Variants in KCND2 observed in about 807,000 individuals in gnomAD.
KCND2 encodes A-type voltage-gated potassium channel KCND2.
Under a neutral mutation model 54.4 loss-of-function variants are expected in KCND2, and 16 were observed. The ratio of observed to expected loss-of-function variants is 0.29; its 90% CI spans 0.20 to 0.45. The LOEUF (loss-of-function observed/expected upper bound fraction) is 0.45, where lower values mean the gene tolerates loss of function less well. Ranked by LOEUF, KCND2 falls within the 20% of genes least tolerant of loss-of-function variation. KCND2 has a pLI of 1.00. For synonymous variants in KCND2, 317 were observed against 310.7 expected, an observed-to-expected ratio of 1.02 and a Z score of -0.21; for missense variants, 486 against 824.2, an observed-to-expected ratio of 0.59 and a Z score of 5.02.
intron 1 of KCND2, among the ~76,000 whole-genome samples, chr7:120,540,896 G>A (rs759947107): frequency 2.6e-5 from 4 of 152,262 alleles, no homozygotes; most frequent in South Asian, 4.1e-4. Context: ...TTTTGTAAGA[G>A]TGTAATGTTA....
intron 1 of KCND2, among the ~76,000 whole-genome samples, chr7:120,355,700 C>T (rs1348753961): frequency 6.6e-6 from 1 of 152,104 alleles, no homozygotes; most frequent in Non-Finnish European, 1.5e-5. Flanking sequence ...ACGCTTTCCC[C>T]TGAATATCTG....
In KCND2 at chr7:120,736,660, CA is replaced by C. The variant is rs1792875055; in HGVS notation, c.1278+3597del. ...TATAATTTAATAATACTAATTGCAA[CA>C]ACAAAAACCCTCACTAGTTTCTAGA... On this transcript the variant is annotated intron_variant, in intron 2 of 5. Transcript: ENST00000331113. Among the ~76,000 whole-genome samples, 4 of 151,796 alleles carry C rather than the reference CA, an allele frequency of 2.6e-5. No individual in the cohort carries two copies. In the South Asian group the frequency reaches 8.3e-4, roughly 32 times the overall value.
intron 1 of KCND2, among the ~76,000 whole-genome samples, chr7:120,512,035 G>A (rs1488840727): frequency 2.6e-5 from 4 of 152,052 alleles, no homozygotes; most frequent in East Asian, 1.9e-4. Flanking sequence ...TTACCAACTA[G>A]CATTATTTAT....
At chr7:120,502,775 A>G (rs777458535) in intron 1 of KCND2, among the ~76,000 whole-genome samples, 6 of 151,916 alleles carry the variant, frequency 3.9e-5, no homozygotes, top group Non-Finnish European at 7.4e-5. Context: ...ATTTGTATCT[A>G]CCAACTTCAG....
intron 1 of KCND2, among the ~76,000 whole-genome samples, chr7:120,345,001 G>A (rs1444193081): frequency 1.3e-5 from 2 of 152,176 alleles, no homozygotes; most frequent in African/African-American, 4.8e-5. Context: ...AAAGGAAAAA[G>A]TGGTCAGCAA....
intron 1 of KCND2, among the ~76,000 whole-genome samples, chr7:120,340,946 GA>G (rs1800231194): frequency 6.6e-6 from 1 of 152,118 alleles, no homozygotes; most frequent in African/African-American, 2.4e-5. Context: ...ACTACATAAG[GA>G]AAAAATAGTG....
At chr7:120,309,452 C>CATATAT (rs61690032) in intron 1 of KCND2, among the ~76,000 whole-genome samples, 5,697 of 68,050 alleles carry the variant, frequency 0.084, 387 homozygotes, top group Non-Finnish European at 0.14. Context: ...TAATAGAAAA[C>CATATAT]ATATATATAT....
chr7:120,628,780 G>A (rs1478960613), intron 1 of KCND2, among the ~76,000 whole-genome samples: 3 of 152,066 alleles, frequency 2.0e-5, no homozygotes, highest in African/African-American at 7.2e-5. Context: ...TAGCACCCCA[G>A]GAAACTTCTA....
chr7:120,551,841 A>G (rs1792108600), intron 1 of KCND2, among the ~76,000 whole-genome samples: 1 of 152,150 alleles, frequency 6.6e-6, no homozygotes. Flanking sequence ...GTGCTCAGGA[A>G]CTCAAGAAAT....
intron 1 of KCND2, among the ~76,000 whole-genome samples, chr7:120,631,056 A>G (rs577718439): frequency 6.6e-6 from 1 of 152,302 alleles, no homozygotes; most frequent in African/African-American, 2.4e-5. Flanking sequence ...AGCAAAGGAA[A>G]TGAACACCTA....
At chr7:120,447,467 G>A (rs1057268897) in intron 1 of KCND2, among the ~76,000 whole-genome samples, 7 of 151,944 alleles carry the variant, frequency 4.6e-5, no homozygotes, top group Non-Finnish European at 7.4e-5. Context: ...TGGAGCTTCC[G>A]TAGCCATATT....
chr7:120,667,369 A>G (rs990949583), intron 1 of KCND2, among the ~76,000 whole-genome samples: 5 of 152,070 alleles, frequency 3.3e-5, no homozygotes, highest in African/African-American at 1.2e-4. Flanking sequence ...AGTGGTCTCA[A>G]AATCCTTGCA....
At chr7:120,605,425 A>G (rs750186721) in intron 1 of KCND2, among the ~76,000 whole-genome samples, 29 of 152,198 alleles carry the variant, frequency 1.9e-4, no homozygotes, top group Non-Finnish European at 2.6e-4. Context: ...ACAGATTAAT[A>G]ATGTTCCATT....
chr7:120,344,844 C>A (rs1800291431), intron 1 of KCND2, among the ~76,000 whole-genome samples: 1 of 152,146 alleles, frequency 6.6e-6, no homozygotes, highest in Non-Finnish European at 1.5e-5. Context: ...TACTGAACTT[C>A]TATTTCTTGC....
At chr7:120,564,085 A>C (rs781164907) in intron 1 of KCND2, among the ~76,000 whole-genome samples, 3 of 152,202 alleles carry the variant, frequency 2.0e-5, no homozygotes, top group African/African-American at 4.8e-5. Context: ...AAATTTGGAC[A>C]AATAACTTTC....
intron 1 of KCND2, among the ~76,000 whole-genome samples, chr7:120,352,573 G>A (rs1469538022): frequency 1.3e-5 from 2 of 151,770 alleles, no homozygotes; most frequent in African/African-American, 4.8e-5. Flanking sequence ...CTACTTATGG[G>A]AAGGTTAAGA....
intron 1 of KCND2, among the ~76,000 whole-genome samples, chr7:120,534,896 A>G (rs951581022): frequency 6.6e-6 from 1 of 152,188 alleles, no homozygotes; most frequent in African/African-American, 2.4e-5. Context: ...TAATTTTGAC[A>G]TTTTGTAAGT....
intron 1 of KCND2, among the ~76,000 whole-genome samples, chr7:120,692,643 AATT>A (rs1279411866): frequency 6.6e-6 from 1 of 152,126 alleles, no homozygotes; most frequent in African/African-American, 2.4e-5. Context: ...ACAAGAAAAG[AATT>A]ATTATTCAAT....
chr7:120,616,148 G>T (rs753624725), intron 1 of KCND2, among the ~76,000 whole-genome samples: 1 of 152,142 alleles, frequency 6.6e-6, no homozygotes, highest in Non-Finnish European at 1.5e-5. Context: ...TAATTTACTG[G>T]ATTTCACAGG....
Sources: gnomAD v4.1 joint callset for allele counts (sites outside exome capture counted in the v4.1 genomes callset) on GRCh38, gnomAD v4.1.1 for gene constraint, MANE v1.5 for transcripts, NCBI Gene and HGNC (gene_info 2026-07-23, HGNC 2026-07-21) for gene names.